AGBL1: variants seen among roughly 807,000 people sequenced by gnomAD.
AGBL1 encodes the protein cytosolic carboxypeptidase 4.
A neutral mutation model predicts 118.9 loss-of-function variants in AGBL1; 130 were observed. The ratio of observed to expected loss-of-function variants is 1.09; its 90% CI spans 0.95 to 1.26. AGBL1 has a LOEUF of 1.26. AGBL1 is among the 50% of genes most tolerant of loss of function. The pLI, the probability that AGBL1 is intolerant of heterozygous loss-of-function variation, is 0.00. For missense variants in AGBL1, 1,584 were observed against 1,298.1 expected (o/e 1.22, Z -3.38); for synonymous variants, 555 against 478.9 (o/e 1.16, Z -2.08).
intron 18 of AGBL1, among the ~76,000 whole-genome samples, chr15:86,431,417 T>C (rs1189265011): frequency 6.6e-6 from 1 of 152,336 alleles, no homozygotes; most frequent in Non-Finnish European, 1.5e-5. Flanking sequence ...GCACATAATA[T>C]GGTGTCCACA....
At chr15:86,841,915 A>T (rs1013492786) in intron 22 of AGBL1, among the ~76,000 whole-genome samples, 10 of 152,198 alleles carry the variant, frequency 6.6e-5, no homozygotes, top group African/African-American at 2.4e-4. Context: ...CTTATTAAAT[A>T]TGGGACCTGA....
intron 24 of AGBL1, among the ~76,000 whole-genome samples, chr15:87,019,289 A>G (rs1415983661): frequency 6.6e-6 from 1 of 152,056 alleles, no homozygotes; most frequent in African/African-American, 2.4e-5. Context: ...TATCTATAGA[A>G]CTCTCCACCC....
chr15:86,388,797 T>C (rs371047333), intron 17 of AGBL1, among the ~76,000 whole-genome samples: 15 of 152,222 alleles, frequency 9.9e-5, no homozygotes, highest in African/African-American at 3.4e-4. Flanking sequence ...AAGATAGTGA[T>C]AATTCCTGCC....
chr15:86,448,006 G>T (rs1191209474), intron 18 of AGBL1, among the ~76,000 whole-genome samples: 2 of 152,018 alleles, frequency 1.3e-5, no homozygotes, highest in South Asian at 4.2e-4. Context: ...CTAGCCGGGG[G>T]TGGTGGCACG....
chr15:86,542,356 ATTTTT>A lies in AGBL1; in HGVS notation c.2686-3623_2686-3619del, dbSNP rs71144054. Reference sequence around the variant, plus strand: ...GTTTGTAGGGGATGCCACCATTGAGATTTTTTTTTTTTTTTTTTTTTTTTTTTGAG... The same window carrying A: ...GTTTGTAGGGGATGCCACCATTGAGATTTTTTTTTTTTTTTTTTTTTTGAG... On this transcript the variant is annotated intron_variant, in intron 19 of 22. Coordinates refer to ENST00000614907, the MANE Select transcript of AGBL1 (RefSeq NM_001386094.1). Among the ~76,000 whole-genome samples the A allele has an allele frequency of 2.5e-3, 289 of 116,344 alleles. 1 individual carries two copies. Among genetic ancestry groups the A allele is most frequent in the African/African-American group, 9.1e-3 (257 of 28,334 alleles). The allele number at this position is 116,344 out of a possible 152,430, so 76.3% of individuals were successfully genotyped here.
Position 86,157,283 on chromosome 15 carries a change from C to T in AGBL1, c.395-1650C>T, listed in dbSNP as rs1301918978. ...GAAAGGCTGAGTAGATTTGCATACA[C>T]CCATCTCTAATAAAGGAAAAGAGGA... On this transcript the variant is annotated intron_variant, in intron 4 of 22. Coordinates refer to ENST00000614907, the MANE Select transcript of AGBL1 (RefSeq NM_001386094.1). Among the ~76,000 whole-genome samples, 5 of 152,116 alleles carry T rather than the reference C, an allele frequency of 3.3e-5. No individual in the cohort carries two copies. In the East Asian group the frequency reaches 7.7e-4, roughly 23 times the overall value.
chr15:86,676,045 C>T (rs1008307002), intron 22 of AGBL1, among the ~76,000 whole-genome samples: 1 of 152,154 alleles, frequency 6.6e-6, no homozygotes, highest in African/African-American at 2.4e-5. Context: ...CCTTCCACAC[C>T]ATTTCACACA....
chr15:86,624,623 G>T (rs2084857261), intron 21 of AGBL1, among the ~76,000 whole-genome samples: 1 of 152,346 alleles, frequency 6.6e-6, no homozygotes, highest in South Asian at 2.1e-4. Flanking sequence ...TGGAGGAGCA[G>T]TGAGCCTGAG....
chr15:86,777,923 C>T (rs1323816614), intron 22 of AGBL1, among the ~76,000 whole-genome samples: 1 of 152,064 alleles, frequency 6.6e-6, no homozygotes, highest in Non-Finnish European at 1.5e-5. Context: ...GGGGGAAATT[C>T]AGCCAGATAT....
rs557207273 is a variant in AGBL1, at chr15:86,908,431, C to T, written c.*1137C>T. 4 of 152,358 alleles carry T rather than the reference C, an allele frequency of 2.6e-5. No individual in the cohort carries two copies. The highest frequency in any genetic ancestry group is 9.6e-5 in the African/African-American group (4 of 41,542). 9.4% of individuals were successfully genotyped at this position (152,358 alleles called of 1,614,324 possible). A position where few individuals can be genotyped will look rare whatever the true frequency, so the allele number is the denominator to read the frequency against. On this transcript the variant is annotated 3_prime_UTR_variant, in exon 23 of 23. Coordinates refer to ENST00000614907, the MANE Select transcript of AGBL1 (RefSeq NM_001386094.1). ...GGCTGAGAAAGGAGAATCGCTTGAA[C>T]TTGGGAGGTGGAGGTTGCCATGAGC... is the stretch of plus-strand genomic sequence containing the variant.
intron 22 of AGBL1, among the ~76,000 whole-genome samples, chr15:86,790,951 A>C (rs1163327828): frequency 6.6e-6 from 1 of 152,178 alleles, no homozygotes; most frequent in Non-Finnish European, 1.5e-5. Context: ...CAAAATAACC[A>C]AAATAATCCA....
chr15:86,457,745 G>A (rs2082278715), intron 18 of AGBL1, among the ~76,000 whole-genome samples: 1 of 151,976 alleles, frequency 6.6e-6, no homozygotes, highest in Non-Finnish European at 1.5e-5. Flanking sequence ...GGATGTCAAG[G>A]GATTATATGA....
intron 23 of AGBL1, among the ~76,000 whole-genome samples, chr15:86,954,222 T>C (rs1185402941): frequency 1.3e-5 from 2 of 152,190 alleles, no homozygotes; most frequent in Non-Finnish European, 2.9e-5. Context: ...TCAACCACTA[T>C]AGAAAGCAGT....
At chr15:86,497,224 C>T (rs1006069093) in intron 18 of AGBL1, among the ~76,000 whole-genome samples, 3 of 151,864 alleles carry the variant, frequency 2.0e-5, no homozygotes, top group Non-Finnish European at 4.4e-5. Flanking sequence ...CTTCTCTGTG[C>T]CTTTTTTGCT....
rs7180450 is a variant in AGBL1, at chr15:86,409,753, T to C, written c.2555+12207T>C. Among the ~76,000 whole-genome samples the C allele has an allele frequency of 5.5e-3, 844 of 152,232 alleles. 10 individuals are homozygous for C. The highest frequency in any genetic ancestry group is 0.017 in the African/African-American group (726 of 41,546). On this transcript the variant is annotated intron_variant, in intron 18 of 22. Coordinates refer to ENST00000614907, the MANE Select transcript of AGBL1 (RefSeq NM_001386094.1). ...CAGTGTTGCAGAATCATTGATCAAG[T>C]TGGGGCTGAGGCTCCTCAGGAAATG...
At chr15:86,345,954 T>C (rs1198195494) in intron 17 of AGBL1, among the ~76,000 whole-genome samples, 1 of 152,046 alleles carries the variant, frequency 6.6e-6, no homozygotes, top group South Asian at 2.1e-4. Context: ...ATCAATTCTC[T>C]CTTTTCTTTT....
chr15:86,755,105 A>G (rs1391480651), intron 22 of AGBL1, among the ~76,000 whole-genome samples: 3 of 152,092 alleles, frequency 2.0e-5, no homozygotes, highest in Non-Finnish European at 4.4e-5. Flanking sequence ...TATTTCCACA[A>G]TGTGACGGAC....
At position 86,364,999 on chromosome 15, in the gene AGBL1, A is replaced by ATG. The variant is rs2080864087; in HGVS notation, c.2375-32366_2375-32365insGT. 1.1e-3 allele frequency among the ~76,000 whole-genome samples: 26 copies of ATG among 23,654 alleles called. 1 individual carries two copies. Among genetic ancestry groups the ATG allele is most frequent in the South Asian group, 3.6e-3 (4 of 1,110 alleles). 15.5% of individuals were successfully genotyped at this position (23,654 alleles called of 152,430 possible). A position where few individuals can be genotyped will look rare whatever the true frequency, so the allele number is the denominator to read the frequency against. On this transcript the variant is annotated intron_variant, in intron 17 of 22. Coordinates refer to ENST00000614907, the MANE Select transcript of AGBL1 (RefSeq NM_001386094.1). ...TATATATATATATATACACACACAC[A>ATG]TATATATATACACACACATATATAT...
At position 86,726,516 on chromosome 15, in the gene AGBL1, A is replaced by G. The variant is rs150367131; in HGVS notation, c.3158+52080A>G. The stretch of plus-strand genomic sequence containing the variant: ...CTTAGGATTGAGCAAGATAATATGC[A>G]TAGTGTTTGGCACAATACGCGGCTC... On this transcript the variant is annotated intron_variant, in intron 22 of 22. Transcript: ENST00000614907. 2.1e-3 allele frequency among the ~76,000 whole-genome samples: 319 copies of G among 152,320 alleles called. 10 individuals are homozygous for G. The East Asian group carries it at 0.055, about 26-fold the overall frequency.
Sources: gnomAD v4.1 joint callset for allele counts (sites outside exome capture counted in the v4.1 genomes callset) on GRCh38, gnomAD v4.1.1 for gene constraint, MANE v1.5 for transcripts, NCBI Gene and HGNC (gene_info 2026-07-23, HGNC 2026-07-21) for gene names.